The following KDM4C variants were observed in gnomAD, a reference collection of about 807,000 sequenced individuals.
The protein encoded by KDM4C is lysine-specific demethylase 4C.
Under a neutral mutation model 129.3 loss-of-function variants are expected in KDM4C, and 81 were observed. The observed-to-expected ratio is 0.63, with a 90% CI of 0.52 to 0.75. The LOEUF (loss-of-function observed/expected upper bound fraction) is 0.75. Ranked by LOEUF, KDM4C falls within the 30% of genes least tolerant of loss-of-function variation. KDM4C has a pLI of 0.00. For synonymous variants in KDM4C, 573 were observed against 456.1 expected, an observed-to-expected ratio of 1.26 and a Z score of -3.26; for missense variants, 1,457 against 1,304.0, an observed-to-expected ratio of 1.12 and a Z score of -1.81.
intron 17 of KDM4C, among the ~76,000 whole-genome samples, chr9:7,089,487 T>C (rs1025347502): frequency 6.6e-6 from 1 of 152,224 alleles, no homozygotes; most frequent in African/African-American, 2.4e-5. Flanking sequence ...TTCTGAATTT[T>C]TCTACTTAAT....
intron 8 of KDM4C, among the ~76,000 whole-genome samples, chr9:6,961,263 T>G (rs190019800): frequency 9.0e-4 from 137 of 152,320 alleles, no homozygotes; most frequent in African/African-American, 3.0e-3. Flanking sequence ...AATTATCCAG[T>G]GGTAATTATG....
At chr9:6,901,807 C>T (rs1282525862) in intron 8 of KDM4C, among the ~76,000 whole-genome samples, 1 of 152,146 alleles carries the variant, frequency 6.6e-6, no homozygotes, top group Non-Finnish European at 1.5e-5. Flanking sequence ...ACTTTTAGCA[C>T]CTATTATTTG....
rs1275580444 is a variant in KDM4C at position 7,038,916 on chromosome 9, A to AT, written c.2260-7940dup. Reference sequence around the variant, plus strand: ...TGAAGAGCCATTGAACTTTTTACATATTTTTTGTAACTGTGGGCTTTAAAA... The same window carrying AT: ...TGAAGAGCCATTGAACTTTTTACATATTTTTTTGTAACTGTGGGCTTTAAAA... On this transcript the variant is annotated intron_variant, in intron 15 of 21. Transcript: ENST00000381309. 2.0e-5 allele frequency among the ~76,000 whole-genome samples: 3 copies of AT among 151,840 alleles called. No individual in the cohort carries two copies. The East Asian group carries it at 5.8e-4, about 29-fold the overall frequency.
intron 8 of KDM4C, among the ~76,000 whole-genome samples, chr9:6,957,171 T>A (rs1829212864): frequency 6.6e-6 from 1 of 152,232 alleles, no homozygotes; most frequent in South Asian, 2.1e-4. Context: ...TTATTTGTAA[T>A]GCCTTGCAAA....
chr9:6,776,520 G>T (rs1045875520), intron 1 of KDM4C, among the ~76,000 whole-genome samples: 6 of 151,186 alleles, frequency 4.0e-5, no homozygotes, highest in Non-Finnish European at 8.8e-5. Context: ...GATTACAGGC[G>T]TGAGCCACTG....
chr9:6,834,786 A>G, intron 4 of KDM4C: 1 of 1,308,416 alleles, frequency 7.6e-7, no homozygotes, highest in South Asian at 1.2e-5. Context: ...GCCCCCCTGA[A>G]CCCCAAGGCC....
intron 5 of KDM4C, among the ~76,000 whole-genome samples, chr9:6,873,941 CGA>C (rs61477112): frequency 6.0e-3 from 793 of 131,736 alleles, no homozygotes; most frequent in Middle Eastern, 7.8e-3. Context: ...TGAGAGAGAG[CGA>C]GAGAGAGAGA....
intron 8 of KDM4C, among the ~76,000 whole-genome samples, chr9:6,928,202 A>C (rs1463035888): frequency 6.6e-6 from 1 of 152,144 alleles, no homozygotes; most frequent in Non-Finnish European, 1.5e-5. Flanking sequence ...TCTTCTCATA[A>C]CACTATACTC....
At chr9:6,908,992 T>A (rs1818810165) in intron 8 of KDM4C, among the ~76,000 whole-genome samples, 1 of 152,234 alleles carries the variant, frequency 6.6e-6, no homozygotes, top group Admixed American at 6.5e-5. Context: ...GGACTCCCTT[T>A]GTCTCTTATT....
At chr9:6,880,818 G>A (rs927803401) in intron 6 of KDM4C, among the ~76,000 whole-genome samples, 6 of 151,950 alleles carry the variant, frequency 3.9e-5, no homozygotes, top group Non-Finnish European at 7.4e-5. Flanking sequence ...TAAGCCAGGC[G>A]GCCTTGCCCT....
intron 8 of KDM4C, among the ~76,000 whole-genome samples, chr9:6,961,197 A>G (rs1369886414): frequency 6.6e-6 from 1 of 152,228 alleles, no homozygotes; most frequent in African/African-American, 2.4e-5. Context: ...CCTTTATTTT[A>G]AAAGTTAAAT....
At chr9:7,162,437 G>A (rs141088316) in intron 19 of KDM4C, among the ~76,000 whole-genome samples, 45 of 152,296 alleles carry the variant, frequency 3.0e-4, no homozygotes, top group Middle Eastern at 6.8e-3. Context: ...TGAGTGAAAG[G>A]TGAATTTACA....
chr9:6,826,045 C>A (rs185354400), intron 4 of KDM4C, among the ~76,000 whole-genome samples: 2 of 152,170 alleles, frequency 1.3e-5, no homozygotes, highest in African/African-American at 4.8e-5. Flanking sequence ...CTCCTGGCTT[C>A]AAGTGATCTT....
upstream of KDM4C, among the ~76,000 whole-genome samples, chr9:6,754,748 C>T (rs528399119): frequency 4.6e-5 from 7 of 151,756 alleles, no homozygotes; most frequent in African/African-American, 1.2e-4. Context: ...TGGTGGTGTG[C>T]GCTTGTAGTC....
chr9:6,835,274 A>C lies in KDM4C; in HGVS notation c.436-14233A>C. The C allele has an allele frequency of 6.6e-6, 6 of 915,596 alleles. 1 individual carries two copies. In the Middle Eastern group the frequency reaches 1.3e-3, roughly 196 times the overall value. The allele number at this position is 915,596 out of a possible 1,614,324, so 56.7% of individuals were successfully genotyped here. A position where few individuals can be genotyped will look rare whatever the true frequency, so the allele number is the denominator to read the frequency against. On this transcript the variant is annotated intron_variant, in intron 4 of 21. Transcript: ENST00000381309. ...CTGGGCATGGAATCCTGTGGCATCCATGAAACTACCTTGAACTCCATTATG... is the reference window on the plus strand; with the variant it reads ...CTGGGCATGGAATCCTGTGGCATCCCTGAAACTACCTTGAACTCCATTATG...
chr9:7,090,691 A>G (rs1835690422), intron 17 of KDM4C, among the ~76,000 whole-genome samples: 1 of 152,232 alleles, frequency 6.6e-6, no homozygotes, highest in Non-Finnish European at 1.5e-5. Flanking sequence ...CAAAACCGTA[A>G]CACTATTTCT....
chr9:6,856,535 T>TGTGC (rs1416360518), intron 5 of KDM4C, among the ~76,000 whole-genome samples: 266 of 130,288 alleles, frequency 2.0e-3, no homozygotes, highest in African/African-American at 8.2e-3. Context: ...TCTCTCTCTG[T>TGTGC]GTGCGTGTGT....
chr9:6,885,956 T>C (rs539260738), intron 6 of KDM4C, among the ~76,000 whole-genome samples: 3 of 152,362 alleles, frequency 2.0e-5, no homozygotes, highest in Admixed American at 2.0e-4. Context: ...AAATCTATAT[T>C]GAAAGAAAAT....
At chr9:6,913,736 A>T (rs560072160) in intron 8 of KDM4C, among the ~76,000 whole-genome samples, 1 of 152,262 alleles carries the variant, frequency 6.6e-6, no homozygotes, top group Non-Finnish European at 1.5e-5. Flanking sequence ...ATGATAATCC[A>T]TATAAGCAGA....
Sources: gnomAD v4.1 joint callset for allele counts (sites outside exome capture counted in the v4.1 genomes callset) on GRCh38, gnomAD v4.1.1 for gene constraint, MANE v1.5 for transcripts, NCBI Gene and HGNC (gene_info 2026-07-23, HGNC 2026-07-21) for gene names.